The following PARN variants were observed in gnomAD, a reference collection of about 807,000 sequenced individuals.
PARN encodes the protein poly(A)-specific ribonuclease.
A neutral mutation model predicts 102.8 loss-of-function variants in PARN; 71 were observed. The ratio of observed to expected loss-of-function variants is 0.69; its 90% confidence interval spans 0.57 to 0.84. The LOEUF (loss-of-function observed/expected upper bound fraction) is 0.84. Among genes scored for constraint, PARN ranks in the 40% least tolerant of loss-of-function variants. The pLI, the probability that PARN is intolerant of heterozygous loss-of-function variation, is 0.00. For missense variants in PARN, 782 were observed against 760.9 expected, an observed-to-expected ratio of 1.03 and a Z score of -0.33; for synonymous variants, 261 against 252.9, an observed-to-expected ratio of 1.03 and a Z score of -0.30.
chr16:14,478,160 A>G (rs1301452369), intron 22 of PARN, among the ~76,000 whole-genome samples: 1 of 151,966 alleles, frequency 6.6e-6, no homozygotes, highest in Non-Finnish European at 1.5e-5. Context: ...CTACAAAAAT[A>G]AAAAAATTAG....
intron 21 of PARN, among the ~76,000 whole-genome samples, chr16:14,530,765 C>A (rs1228925834): frequency 2.0e-5 from 3 of 152,100 alleles, no homozygotes; most frequent in South Asian, 2.1e-4. Flanking sequence ...GGCCCCTTCC[C>A]AAGGACTGTA....
Position 14,606,469 on chromosome 16 carries a change from A to G in PARN, c.702+15T>C. 1 of 1,498,988 alleles carries G rather than the reference A, an allele frequency of 6.7e-7. No homozygotes were observed. 92.9% of individuals were successfully genotyped at this position (1,498,988 alleles called of 1,614,324 possible). On this transcript the variant is annotated intron_variant, in intron 10 of 23. Transcript: ENST00000437198. ...GATGTGTTTAATGTTAGCCCTAGAT[A>G]ATTCTTGGGGTTACCTTTTCAGTTT...
intron 2 of PARN, 38 bp downstream of exon 2, chr16:14,629,559 C>G: frequency 6.1e-6 from 9 of 1,481,426 alleles, no homozygotes; most frequent in Non-Finnish European, 8.5e-6. Flanking sequence ...TGGCTATGCA[C>G]TGCAAAGTGC....
chr16:14,522,125 G>A (rs910007799), intron 21 of PARN, among the ~76,000 whole-genome samples: 1 of 152,180 alleles, frequency 6.6e-6, no homozygotes, highest in African/African-American at 2.4e-5. Flanking sequence ...CTAAGCTTAT[G>A]ACTGTATTAC....
chr16:14,508,304 G>A (rs898552870), intron 21 of PARN, among the ~76,000 whole-genome samples: 1 of 151,922 alleles, frequency 6.6e-6, no homozygotes, highest in Non-Finnish European at 1.5e-5. Flanking sequence ...CCAAGGTAGG[G>A]GGATTGCTTG....
intron 21 of PARN, chr16:14,501,471 A>AAAAAAAAC (rs1964610956): frequency 6.7e-6 from 1 of 148,662 alleles, no homozygotes; most frequent in Admixed American, 6.8e-5. Flanking sequence ...CAGAAAGAAA[A>AAAAAAAAC]AGAGAATGAA....
At chr16:14,552,475 T>C (rs1309563529) in intron 20 of PARN, among the ~76,000 whole-genome samples, 2 of 152,104 alleles carry the variant, frequency 1.3e-5, no homozygotes, top group Non-Finnish European at 2.9e-5. Flanking sequence ...AAAACACAAC[T>C]ATTTCTTTTT....
intron 21 of PARN, among the ~76,000 whole-genome samples, chr16:14,483,335 C>T (rs1963483147): frequency 1.3e-5 from 2 of 152,106 alleles, no homozygotes; most frequent in Admixed American, 6.5e-5. Context: ...TGCATTATAT[C>T]TAATCTTCAT....
Position 14,617,067 on chromosome 16 carries a change from G to GTT in PARN, c.388+521_388+522dup, listed in dbSNP as rs1326789638. Among the ~76,000 whole-genome samples, 180 of 132,330 alleles carry GTT rather than the reference G, an allele frequency of 1.4e-3. 1 individual carries two copies. Among genetic ancestry groups the GTT allele is most frequent in the African/African-American group, 4.5e-3 (162 of 35,710 alleles). 86.8% of individuals were successfully genotyped at this position (132,330 alleles called of 152,430 possible). On this transcript the variant is annotated intron_variant, in intron 6 of 23. Transcript: ENST00000437198. ...TAGCTCATGGCTGATTATGTTTTTTGTTTTTTTTTAAAAAAAAAAAAAAAA... is the reference window on the plus strand; with the variant it reads ...TAGCTCATGGCTGATTATGTTTTTTGTTTTTTTTTTTAAAAAAAAAAAAAAAA...
intron 18 of PARN, among the ~76,000 whole-genome samples, chr16:14,563,522 G>GTGTGTGTGTATATA (rs1423811963): frequency 6.7e-5 from 10 of 149,266 alleles, no homozygotes; most frequent in Non-Finnish European, 1.2e-4. Flanking sequence ...GTGTGTGTGT[G>GTGTGTGTGTATATA]TATATAATTC....
intron 21 of PARN, among the ~76,000 whole-genome samples, chr16:14,547,586 T>C (rs911647448): frequency 2.6e-5 from 4 of 152,050 alleles, no homozygotes; most frequent in African/African-American, 4.8e-5. Context: ...AGTGCACACC[T>C]ATAGTCCTGG....
At chr16:14,501,268 AAAAAAAC>A (rs201066955) in intron 21 of PARN, among the ~76,000 whole-genome samples, 1 of 144,338 alleles carries the variant, frequency 6.9e-6, no homozygotes, top group Non-Finnish European at 1.5e-5. Flanking sequence ...ATCTTTACAA[AAAAAAAC>A]AAAAAACAAA....
At position 14,552,072 on chromosome 16, in the gene PARN, C is replaced by G; in HGVS notation, c.1429G>C (p.Asp477His). 3.1e-6 allele frequency: 5 copies of G among 1,611,158 alleles called. No homozygotes were observed. The South Asian group carries it at 5.5e-5, about 18-fold the overall frequency. Residue 477 changes from aspartate (D) to histidine (H), a missense_variant, in exon 21 of 24, where the codon GAT becomes CAT. By Grantham distance (81) the Asp-to-His change is moderately conservative. Transcript: ENST00000437198. ...AFGNIQISWI[D>H]DTSAFVSLSQ... ...AGGGAAACAAATGCTGATGTGTCAT[C>G]AATCCAGGATATCTGAATGTTACCT...
chr16:14,528,769 A>G (rs537038448), intron 21 of PARN, among the ~76,000 whole-genome samples: 7 of 152,296 alleles, frequency 4.6e-5, no homozygotes, highest in Admixed American at 4.6e-4. Flanking sequence ...CTCAGGTTAC[A>G]TCAAACACCA....
chr16:14,550,419 T>C (rs576578707), intron 21 of PARN, among the ~76,000 whole-genome samples: 1 of 152,328 alleles, frequency 6.6e-6, no homozygotes, highest in African/African-American at 2.4e-5. Flanking sequence ...TTCATTTACT[T>C]AATCTCATGG....
chr16:14,454,696 T>C (rs1961603966), intron 22 of PARN, among the ~76,000 whole-genome samples: 1 of 152,228 alleles, frequency 6.6e-6, no homozygotes, highest in Non-Finnish European at 1.5e-5. Flanking sequence ...CCAGCACCTG[T>C]GTCAGGAATT....
intron 12 of PARN, among the ~76,000 whole-genome samples, chr16:14,593,873 T>C (rs1970348859): frequency 6.6e-6 from 1 of 151,862 alleles, no homozygotes; most frequent in Non-Finnish European, 1.5e-5. Flanking sequence ...GGTGCATGCC[T>C]ATAACTCCAG....
intron 21 of PARN, among the ~76,000 whole-genome samples, chr16:14,547,771 A>G (rs1967046703): frequency 6.6e-6 from 1 of 152,160 alleles, no homozygotes; most frequent in Admixed American, 6.5e-5. Flanking sequence ...TCAAAGAAAA[A>G]AAAAAGTGTC....
chr16:14,470,878 G>C (rs749473205), intron 22 of PARN, among the ~76,000 whole-genome samples: 4 of 152,136 alleles, frequency 2.6e-5, no homozygotes, highest in Admixed American at 6.6e-5. Flanking sequence ...CTTAGCACAA[G>C]CAATCCTCCC....
Sources: gnomAD v4.1 joint callset for allele counts (sites outside exome capture counted in the v4.1 genomes callset) on GRCh38, gnomAD v4.1.1 for gene constraint, MANE v1.5 for transcripts, NCBI Gene and HGNC (gene_info 2026-07-23, HGNC 2026-07-21) for gene names.